Variants in GSE1 observed in about 807,000 individuals in gnomAD.
The protein encoded by GSE1 is Gse1 coiled-coil protein.
In GSE1, 32 loss-of-function variants were observed where a neutral mutation model predicts 112.6. The observed-to-expected ratio is 0.28, with a 90% CI of 0.21 to 0.38. The LOEUF is 0.38. Among genes scored for constraint, GSE1 ranks in the 10% least tolerant of loss-of-function variants. The pLI, the probability that GSE1 is intolerant of heterozygous loss-of-function variation, is 1.00. For missense variants in GSE1, 2,348 were observed against 1,699.2 expected (o/e 1.38, Z -6.71); for synonymous variants, 1,115 against 735.6 (o/e 1.52, Z -8.35).
chr16:85,639,871 C>T (rs930413020), intron 2 of GSE1, among the ~76,000 whole-genome samples: 1 of 152,232 alleles, frequency 6.6e-6, no homozygotes, highest in Admixed American at 6.5e-5. Flanking sequence ...CGCCCGTCTG[C>T]CAAGGCGGCC....
intron 1 of GSE1, among the ~76,000 whole-genome samples, chr16:85,351,312 T>C (rs1479214701): frequency 4.6e-5 from 7 of 152,206 alleles, no homozygotes; most frequent in Admixed American, 2.0e-4. Flanking sequence ...CAAACTGGAA[T>C]GTCCTTTATT....
rs2052059168 is a variant in GSE1 at position 85,657,450 on chromosome 16, A to G, written c.1486A>G (p.Lys496Glu). 6.2e-7 allele frequency: 1 copy of G among 1,611,956 alleles called. No individual in the cohort carries two copies. Among genetic ancestry groups the G allele is most frequent in the African/African-American group, 1.3e-5 (1 of 74,860 alleles). ...GATCCAGCGCACCAATGAGGAGGAGAAGTGGCTGGCGCGGCAGCGGCGGCT... is the reference window on the plus strand; with the variant it reads ...GATCCAGCGCACCAATGAGGAGGAGGAGTGGCTGGCGCGGCAGCGGCGGCT... ...LLIQRTNEEE[K>E]WLARQRRLRQ... is the part of the protein sequence containing the mutation. The change falls in exon 8 of 16, where the codon AAG (lysine) becomes GAG (glutamate). Residue 496 changes from lysine (K) to glutamate (E), a missense_variant. Physicochemically the swap from Lys to Glu is moderately conservative, Grantham distance 56. Transcript: ENST00000253458.
intron 1 of GSE1, among the ~76,000 whole-genome samples, chr16:85,346,891 T>C (rs1281025954): frequency 2.0e-5 from 3 of 151,732 alleles, no homozygotes; most frequent in African/African-American, 4.8e-5. Flanking sequence ...GATGAGCGGA[T>C]GGATGGTGGA....
intron 2 of GSE1, among the ~76,000 whole-genome samples, chr16:85,463,918 C>T (rs545434134): frequency 2.6e-5 from 4 of 152,226 alleles, no homozygotes; most frequent in African/African-American, 9.6e-5. Context: ...AGAAGCCTTC[C>T]ATGAACAGCA....
intron 2 of GSE1, among the ~76,000 whole-genome samples, chr16:85,374,344 C>T (rs1198503900): frequency 4.4e-5 from 6 of 137,830 alleles, no homozygotes; most frequent in African/African-American, 1.4e-4. Flanking sequence ...TCTGTGTGGT[C>T]GCGCGTGGCC....
At chr16:85,613,969 C>T (rs1203238767) in intron 1 of GSE1, among the ~76,000 whole-genome samples, 4 of 151,518 alleles carry the variant, frequency 2.6e-5, no homozygotes, top group Middle Eastern at 6.8e-3. Context: ...AGGGCGGGAC[C>T]GCAGCCTGCC....
intron 3 of GSE1, among the ~76,000 whole-genome samples, chr16:85,651,676 C>T (rs1377387977): frequency 1.3e-5 from 2 of 152,188 alleles, no homozygotes; most frequent in African/African-American, 4.8e-5. Flanking sequence ...GAGGTCTGTC[C>T]TCCAGCCCTC....
In GSE1 at chr16:85,648,567, G is replaced by T; in HGVS notation, c.242G>T (p.Ser81Ile). 6.4e-7 allele frequency: 1 copy of T among 1,569,690 alleles called. No homozygotes were observed. The highest frequency in any genetic ancestry group is 8.6e-7 in the Non-Finnish European group (1 of 1,157,566). Reference sequence around the variant, plus strand: ...TCCTCCACAGGGTCCTCACTGAGCAGCGAGTCGTCCCCCGTGTCCTCTCCG... The same window carrying T: ...TCCTCCACAGGGTCCTCACTGAGCATCGAGTCGTCCCCCGTGTCCTCTCCG... ...AEEPRGSSLS[S>I]ESSPVSSPAT... is the part of the protein sequence containing the mutation. Residue 81 changes from serine (S) to isoleucine (I), a missense_variant, in exon 3 of 16, where the codon AGC (serine) becomes ATC (isoleucine). Physicochemically the swap from Ser to Ile is moderately radical, Grantham distance 142 (BLOSUM62 -2). Coordinates refer to ENST00000253458, the MANE Select transcript of GSE1 (RefSeq NM_014615.5).
intron 2 of GSE1, among the ~76,000 whole-genome samples, chr16:85,369,360 A>T (rs2047248099): frequency 6.6e-6 from 1 of 151,678 alleles, no homozygotes; most frequent in Admixed American, 6.6e-5. Flanking sequence ...GGGATTACAG[A>T]CATGCGACAC....
chr16:85,175,524 G>A (rs534541833), intron 1 of GSE1, among the ~76,000 whole-genome samples: 2 of 152,352 alleles, frequency 1.3e-5, no homozygotes, highest in Admixed American at 1.3e-4. Context: ...GGGTGAGAGC[G>A]CCTGGCTCGC....
Position 85,462,624 on chromosome 16 carries a change from AAGC to A in GSE1, c.2464+104982_2464+104984del, listed in dbSNP as rs1204906493. Among the ~76,000 whole-genome samples, 7 of 147,878 alleles carry A rather than the reference AAGC, an allele frequency of 4.7e-5. No individual in the cohort carries two copies. In the East Asian group the frequency reaches 1.4e-3, roughly 30 times the overall value. On this transcript the variant is annotated intron_variant, in intron 2 of 2. Coordinates refer to the GSE1 transcript ENST00000637419. ...GTCAGGACAACTCAGCAGTCTTGAC[AAGC>A]GCGTTATCAAGTGCAGGGGAGCGGA...
chr16:85,590,950 G>T (rs536531346), intron 1 of GSE1, among the ~76,000 whole-genome samples: 2 of 152,168 alleles, frequency 1.3e-5, no homozygotes, highest in African/African-American at 4.8e-5. Context: ...GGGACCAGAC[G>T]TGCTCTCGGA....
upstream of GSE1, chr16:85,555,053 T>G: frequency 1.0e-6 from 1 of 985,282 alleles, no homozygotes; most frequent in Non-Finnish European, 1.2e-6. Context: ...ACTATTATTA[T>G]CGCCCTGCGA....
At chr16:85,216,101 G>A (rs1056566840) in intron 1 of GSE1, among the ~76,000 whole-genome samples, 1 of 152,248 alleles carries the variant, frequency 6.6e-6, no homozygotes, top group Non-Finnish European at 1.5e-5. Context: ...AGGACTGAGC[G>A]AGAGGGTGGC....
intron 2 of GSE1, among the ~76,000 whole-genome samples, chr16:85,511,074 C>T (rs1325500215): frequency 6.6e-6 from 1 of 152,222 alleles, no homozygotes; most frequent in East Asian, 1.9e-4. Context: ...ACTCCTATGT[C>T]CTCAGTGCCC....
chr16:85,285,184 T>C (rs1278202468), intron 1 of GSE1: 1 of 152,228 alleles, frequency 6.6e-6, no homozygotes, highest in Non-Finnish European at 1.5e-5. Context: ...TGACACGGTG[T>C]GCCTGTGACA....
intron 1 of GSE1, among the ~76,000 whole-genome samples, chr16:85,214,859 G>A (rs1267923126): frequency 6.6e-6 from 1 of 152,168 alleles, no homozygotes; most frequent in East Asian, 1.9e-4. Flanking sequence ...GGTGGGGCAG[G>A]AGGAGAAGGG....
At chr16:85,605,063 C>T (rs1056326252) in intron 1 of GSE1, among the ~76,000 whole-genome samples, 7 of 150,480 alleles carry the variant, frequency 4.7e-5, no homozygotes, top group Admixed American at 1.3e-4. Context: ...GTGATCCGTC[C>T]GCCTCGGCCT....
intron 1 of GSE1, among the ~76,000 whole-genome samples, chr16:85,184,941 G>A (rs2074668876): frequency 6.6e-6 from 1 of 152,198 alleles, no homozygotes; most frequent in African/African-American, 2.4e-5. Context: ...TGAAGAGATT[G>A]GTGCTTGGTA....
Sources: allele counts gnomAD v4.1 joint callset (sites outside exome capture counted in the v4.1 genomes callset), GRCh38; gene constraint gnomAD v4.1.1; transcripts MANE v1.5; gene names NCBI Gene and HGNC (gene_info 2026-07-23, HGNC 2026-07-21).